The following SERPINF2 variants were observed in gnomAD, a reference collection of about 807,000 sequenced individuals.
SERPINF2 encodes serpin family F member 2, also known as alpha-2-antiplasmin.
In SERPINF2, 15 loss-of-function variants were observed where a neutral mutation model predicts 45.0. The ratio of observed to expected loss-of-function variants is 0.33; its 90% CI spans 0.22 to 0.51. SERPINF2 has a LOEUF of 0.51. SERPINF2 is among the 20% of genes least tolerant of loss of function. The pLI is 0.97. For synonymous variants in SERPINF2, 283 were observed against 277.9 expected (o/e 1.02, Z -0.18); for missense variants, 518 against 637.4 (o/e 0.81, Z 2.02).
chr17:1,746,788 T>C (rs2151189806), intron 5 of SERPINF2, among the ~76,000 whole-genome samples: 1 of 152,104 alleles, frequency 6.6e-6, no homozygotes, highest in Non-Finnish European at 1.5e-5. Flanking sequence ...TGCTGGAGGG[T>C]CTCACTGTGG....
chr17:1,748,114 A>G (rs11653121), intron 7 of SERPINF2, among the ~76,000 whole-genome samples: 110 of 152,000 alleles, frequency 7.2e-4, no homozygotes, highest in Non-Finnish European at 3.1e-4. Flanking sequence ...CCTGGCTAAC[A>G]CGGTGAAACC....
In SERPINF2 at chr17:1,745,382, A is replaced by G. The variant is rs1905717948; in HGVS notation, c.152A>G (p.Lys51Arg). 6.6e-7 allele frequency: 1 copy of G among 1,511,916 alleles called. No homozygotes were observed. Among genetic ancestry groups the G allele is most frequent in the Non-Finnish European group, 8.9e-7 (1 of 1,119,510 alleles). 93.7% of individuals were successfully genotyped at this position (1,511,916 alleles called of 1,614,324 possible). A position where few individuals can be genotyped will look rare whatever the true frequency, so the allele number is the denominator to read the frequency against. The part of the protein sequence containing the change: ...QEQVSPLTLL[K>R]LGNQEPGGQT... ...CAGGTGTCCCCACTTACCCTCCTCA[A>G]GTTGGGCAACCAGGTACAACCAGGT... is the stretch of plus-strand genomic sequence containing the variant. Residue 51 changes from lysine to arginine, a missense_variant, in exon 4 of 10, where the codon AAG (lysine) becomes AGG (arginine). By Grantham distance (26) the Lys-to-Arg change is conservative. Around this residue, in one of 2 missense-constraint regions of SERPINF2, gnomAD observed 435 missense variants for 577.3 expected, o/e 0.75. Transcript: ENST00000453066. The surrounding 1 kb of genome is among the most constrained non-coding windows in gnomAD (Gnocchi z 6.2).
Position 1,745,145 on chromosome 17 carries a change from G to A in SERPINF2, c.64-30G>A. ...TGGAGGGAGGGCTTGGCTCCGAGGG[G>A]ACCTCCTATCCTCATCCCTTTCTCC... On this transcript the variant is annotated intron_variant, in intron 2 of 9. Coordinates refer to ENST00000453066, the MANE Select transcript of SERPINF2 (RefSeq NM_000934.4). The surrounding 1 kb of genome is among the most constrained non-coding windows in gnomAD (Gnocchi z 6.2). 2.5e-6 allele frequency: 4 copies of A among 1,586,036 alleles called. No homozygotes were observed. The South Asian group carries it at 3.4e-5, about 13-fold the overall frequency.
In SERPINF2 at chr17:1,754,451, C is replaced by G. The variant is rs755809297; in HGVS notation, c.1393C>G (p.Arg465Gly). Residue 465 changes from arginine (R) to glycine (G), a missense_variant, in exon 10 of 10, where the codon CGC becomes GGC. By Grantham distance (125) the Arg-to-Gly change is moderately radical. Transcript: ENST00000453066. ...DFLQSLKGFP[R>G]GDKLFGPDLK... ...CCTCCAGAGCCTGAAAGGCTTCCCC[C>G]GCGGAGACAAGCTTTTCGGCCCTGA... 2.5e-6 allele frequency: 4 copies of G among 1,608,908 alleles called. No individual in the cohort carries two copies. Among genetic ancestry groups the G allele is most frequent in the South Asian group, 1.1e-5 (1 of 90,738 alleles).
chr17:1,754,788 T>G lies in SERPINF2; in HGVS notation c.*254T>G. 1 of 540,062 alleles carries G rather than the reference T, an allele frequency of 1.9e-6. No homozygotes were observed. Among genetic ancestry groups the G allele is most frequent in the South Asian group, 2.9e-5 (1 of 34,142 alleles). 33.5% of individuals were successfully genotyped at this position (540,062 alleles called of 1,614,324 possible). A position where few individuals can be genotyped will look rare whatever the true frequency, so the allele number is the denominator to read the frequency against. Reference sequence around the variant, plus strand: ...TCAGAGGGTGTCCTGCACCGGGGCCTGGGCAGGAGGGAGGTGCTTCTAGTT... The same window carrying G: ...TCAGAGGGTGTCCTGCACCGGGGCCGGGGCAGGAGGGAGGTGCTTCTAGTT... On this transcript the variant is annotated 3_prime_UTR_variant, in exon 10 of 10. Coordinates refer to ENST00000453066, the MANE Select transcript of SERPINF2 (RefSeq NM_000934.4).
At chr17:1,748,226 G>A (rs905743352) in intron 7 of SERPINF2, among the ~76,000 whole-genome samples, 1 of 151,860 alleles carries the variant, frequency 6.6e-6, no homozygotes, top group Non-Finnish European at 1.5e-5. Context: ...GCGTGAGCCC[G>A]GGAGGCGGTG....
At chr17:1,744,831 C>G (rs1466448050) in intron 1 of SERPINF2, 161 bp from the exon 2 acceptor site, 2 of 985,292 alleles carry the variant, frequency 2.0e-6, no homozygotes, top group Non-Finnish European at 2.4e-6. Flanking sequence ...GGAGTGGGAG[C>G]CGCTGCTCGT....
intron 5 of SERPINF2, among the ~76,000 whole-genome samples, chr17:1,746,192 C>G (rs12944946): frequency 0.23 from 34,155 of 151,774 alleles, 3,861 homozygotes; most frequent in South Asian, 0.39. Context: ...GTGGTGCGCA[C>G]CTGTAATTCC....
intron 5 of SERPINF2, 55 bp from the exon 6 acceptor site, chr17:1,746,964 A>G (rs1284887664): frequency 5.7e-6 from 9 of 1,588,100 alleles, no homozygotes; most frequent in South Asian, 4.5e-5. Context: ...TGGAGTGGGC[A>G]GTGGGGGTGA....
chr17:1,743,768 G>A (rs1184794012), intron 1 of SERPINF2, among the ~76,000 whole-genome samples: 2 of 151,578 alleles, frequency 1.3e-5, no homozygotes, highest in African/African-American at 4.9e-5. Context: ...AGCAGGCTGG[G>A]TAGGAGCTCT....
chr17:1,748,206 C>T (rs950128994), intron 7 of SERPINF2, among the ~76,000 whole-genome samples: 13 of 151,456 alleles, frequency 8.6e-5, no homozygotes, highest in African/African-American at 2.9e-4. Flanking sequence ...GAGGCTGAGG[C>T]AGGAGAATGG....
Position 1,745,852 on chromosome 17 carries a change from C to T in SERPINF2, c.310C>T (p.Pro104Ser). The change falls in exon 5 of 10, where the codon CCC (proline) becomes TCC (serine). Residue 104 changes from proline to serine, a missense_variant. Pro to Ser is a moderately conservative substitution (Grantham distance 74, BLOSUM62 -1). Around this residue, in one of 2 missense-constraint regions of SERPINF2, gnomAD observed 435 missense variants for 577.3 expected, o/e 0.75. Coordinates refer to ENST00000453066, the MANE Select transcript of SERPINF2 (RefSeq NM_000934.4). This position sits in a 1 kb window ranked among gnomAD's most constrained non-coding sequence, Gnocchi z 6.2. ...CCTGGTGGCTCAAACGTCCACCTGC[C>T]CCAACCTCATCCTGTCACCCCTGAG... ...FSLVAQTSTC[P>S]NLILSPLSVA... The T allele has an allele frequency of 6.2e-7, 1 of 1,614,040 alleles. No homozygotes were observed.
intron 1 of SERPINF2, among the ~76,000 whole-genome samples, chr17:1,743,838 C>A (rs1440376456): frequency 1.3e-5 from 2 of 151,780 alleles, no homozygotes; most frequent in African/African-American, 4.8e-5. Flanking sequence ...TGGCCTTGAG[C>A]CAAGCTGACC....
intron 1 of SERPINF2, 32 bp from the exon 2 acceptor site, chr17:1,744,960 G>C (rs771450051): frequency 1.1e-5 from 18 of 1,613,320 alleles, no homozygotes; most frequent in Non-Finnish European, 1.4e-5. Flanking sequence ...GGGGATGTGA[G>C]ATGGGAACAG....
At position 1,747,379 on chromosome 17, in the gene SERPINF2, G is replaced by A. The variant is rs78558219; in HGVS notation, c.582G>A (p.Thr194=). 5.7e-5 allele frequency: 92 copies of A among 1,614,166 alleles called. No homozygotes were observed. The highest frequency in any genetic ancestry group is 1.9e-4 in the South Asian group (17 of 91,084). The change falls in exon 7 of 10, where the codon ACG becomes ACA. Residue 194 remains threonine, a synonymous_variant. Coordinates refer to ENST00000453066, the MANE Select transcript of SERPINF2 (RefSeq NM_000934.4). ...QLFGAKPVSL[T]GKQEDDLANI... ...TTGGGGCAAAGCCCGTGAGCCTGAC[G>A]GGAAAGCAGGAAGATGACCTGGCAA...
chr17:1,754,043 C>T, intron 9 of SERPINF2, 79 bp from the exon 10 acceptor site: 4 of 1,546,816 alleles, frequency 2.6e-6, no homozygotes, highest in Non-Finnish European at 3.5e-6. Context: ...TGGCCAGGAT[C>T]TCAGACACCC....
At chr17:1,747,562 C>T (rs1043051958) in intron 7 of SERPINF2, 50 bp downstream of exon 7, 10 of 1,578,084 alleles carry the variant, frequency 6.3e-6, no homozygotes, top group African/African-American at 1.4e-5. Flanking sequence ...TGAGCTGGGA[C>T]GTGCAGGCCT....
intron 1 of SERPINF2, chr17:1,743,201 C>A: frequency 1.5e-6 from 1 of 683,810 alleles, no homozygotes; most frequent in Non-Finnish European, 1.8e-6. Context: ...GAGACCTGCT[C>A]TGACTTATCC....
chr17:1,748,403 T>C (rs4790285), intron 7 of SERPINF2, among the ~76,000 whole-genome samples, 195 bp from the exon 8 acceptor site: 34,258 of 151,984 alleles, frequency 0.23, 3,884 homozygotes, highest in South Asian at 0.39. Context: ...AAAGAGACCT[T>C]AGATCAATTG....
Sources: allele counts gnomAD v4.1 joint callset (sites outside exome capture counted in the v4.1 genomes callset), GRCh38; gene constraint gnomAD v4.1.1; regional missense constraint gnomAD v4.1.1; non-coding constraint Gnocchi (gnomAD v3.1); transcripts MANE v1.5; gene names NCBI Gene and HGNC (gene_info 2026-07-23, HGNC 2026-07-21).